Variants in EEF1G observed in about 807,000 individuals in gnomAD.
The protein encoded by EEF1G is elongation factor 1-gamma.
EEF1G carries 14 observed loss-of-function variants against 58.3 expected under a neutral mutation model. The observed-to-expected ratio is 0.24, with a 90% CI of 0.16 to 0.38. EEF1G has a LOEUF of 0.38. Among genes scored for constraint, EEF1G ranks in the 10% least tolerant of loss-of-function variants. The pLI is 1.00. For missense variants in EEF1G, 322 were observed against 550.1 expected (o/e 0.59, Z 4.15); for synonymous variants, 180 against 206.8 (o/e 0.87, Z 1.11).
intron 6 of EEF1G, 78 bp from the exon 7 acceptor site, chr11:62,567,088 A>C: frequency 6.8e-7 from 1 of 1,480,030 alleles, no homozygotes; most frequent in Non-Finnish European, 9.3e-7. Flanking sequence ...CAGAGCAAGC[A>C]AGGTAACAGA....
rs184337509 is a variant in EEF1G at position 62,567,217 on chromosome 11, G to A, written c.652+182C>T. ...ATACTTTATATCGCAAATCTATATA[G>A]TAATACAAATTAGTCAGGGTATGAG... On this transcript the variant is annotated intron_variant, in intron 6 of 9. Coordinates refer to ENST00000329251, the MANE Select transcript of EEF1G (RefSeq NM_001404.5). 160 of 935,672 alleles carry A rather than the reference G, an allele frequency of 1.7e-4. 2 individuals are homozygous for A. Among genetic ancestry groups the A allele is most frequent in the Non-Finnish European group, 3.5e-5 (22 of 632,832 alleles). 58.0% of individuals were successfully genotyped at this position (935,672 alleles called of 1,614,324 possible). A position where few individuals can be genotyped will look rare whatever the true frequency, so the allele number is the denominator to read the frequency against.
At chr11:62,570,209 C>T (rs889968104) in intron 5 of EEF1G, among the ~76,000 whole-genome samples, 1 of 151,766 alleles carries the variant, frequency 6.6e-6, no homozygotes, top group African/African-American at 2.4e-5. Context: ...TTACAGGCTC[C>T]TACCACCACG....
intron 7 of EEF1G, among the ~76,000 whole-genome samples, chr11:62,565,082 A>C (rs1034292936): frequency 2.0e-5 from 3 of 151,626 alleles, no homozygotes; most frequent in Non-Finnish European, 4.4e-5. Context: ...CCAAACAAAC[A>C]AACCAAAAAA....
chr11:62,563,267 C>T (rs1276497193), intron 7 of EEF1G, among the ~76,000 whole-genome samples: 2 of 151,982 alleles, frequency 1.3e-5, no homozygotes, highest in Non-Finnish European at 2.9e-5. Flanking sequence ...GCTGGGACTA[C>T]AGGCGCCTGC....
Position 62,566,920 on chromosome 11 carries a change from C to T in EEF1G, c.743G>A (p.Arg248Gln), listed in dbSNP as rs781687410. 7 of 1,613,956 alleles carry T rather than the reference C, an allele frequency of 4.3e-6. No homozygotes were observed. Among genetic ancestry groups the T allele is most frequent in the South Asian group, 1.1e-5 (1 of 91,078 alleles). ...GGCAGCCGCCTTTTTCTCCTCCTTC[C>T]GCTCAGCCTGGGGCTTCTGCTTCTC... ...REEKQKPQAE[R>Q]KEEKKAAAPA... is the part of the protein sequence containing the mutation. Residue 248 changes from arginine to glutamine, a missense_variant, in exon 7 of 10, where the codon CGG becomes CAG. Arg to Gln is a conservative substitution (Grantham distance 43). This residue lies in a region of EEF1G where 208 missense variants were observed against 323.7 expected (regional missense o/e 0.64). Transcript: ENST00000329251.
chr11:62,566,097 T>C (rs1941552636), intron 7 of EEF1G, among the ~76,000 whole-genome samples: 1 of 152,166 alleles, frequency 6.6e-6, no homozygotes, highest in Non-Finnish European at 1.5e-5. Context: ...ATAAAATGAC[T>C]TGGAGCAGTG....
chr11:62,565,386 C>CA (rs888723551), intron 7 of EEF1G, among the ~76,000 whole-genome samples: 100 of 137,102 alleles, frequency 7.3e-4, no homozygotes, highest in Middle Eastern at 3.8e-3. Flanking sequence ...ACCCTGTTTC[C>CA]AAAAAAAAAA....
intron 7 of EEF1G, among the ~76,000 whole-genome samples, chr11:62,561,170 C>T (rs1486424274): frequency 6.6e-6 from 1 of 152,116 alleles, no homozygotes; most frequent in Non-Finnish European, 1.5e-5. Flanking sequence ...CTTTGGGAGG[C>T]CAAGGCAGGT....
rs1291875005 is a variant in EEF1G, at chr11:62,559,729, C to A, written c.1264G>T (p.Ala422Ser). The change falls in exon 10 of 10, where the codon GCC becomes TCC. Residue 422 changes from alanine (A) to serine (S), a missense_variant. Physicochemically the swap from Ala to Ser is moderately conservative, Grantham distance 99. Coordinates refer to ENST00000329251, the MANE Select transcript of EEF1G (RefSeq NM_001404.5). ...LVREYFSWEG[A>S]FQHVGKAFNQ... is the part of the protein sequence containing the mutation. The stretch of plus-strand genomic sequence containing the variant: ...AAGGCTTTGCCCACATGCTGGAAGG[C>A]CCCCTCCCAGGAAAAGTACTCTCGA... 1.2e-6 allele frequency: 2 copies of A among 1,613,984 alleles called. No individual in the cohort carries two copies. Among genetic ancestry groups the A allele is most frequent in the Admixed American group, 3.3e-5 (2 of 60,010 alleles).
intron 7 of EEF1G, among the ~76,000 whole-genome samples, chr11:62,565,318 C>T (rs757396014): frequency 1.3e-5 from 2 of 151,316 alleles, no homozygotes. Flanking sequence ...TACAGGAGGT[C>T]AAGACTGCAG....
chr11:62,559,767 G>A lies in EEF1G; in HGVS notation c.1226C>T (p.Thr409Ile). Residue 409 changes from threonine (T) to isoleucine (I), a missense_variant, in exon 10 of 10, where the codon ACC becomes ATC. Around this residue, in one of 3 missense-constraint regions of EEF1G, gnomAD observed 208 missense variants for 323.7 expected, o/e 0.64. Coordinates refer to ENST00000329251, the MANE Select transcript of EEF1G (RefSeq NM_001404.5). ...WRKLDPGSEE[T>I]QTLVREYFSW... ...AAAGTACTCTCGAACCAGCGTCTGG[G>A]TCTCCTCGCTGCCAGGATCCAGTTT... is the stretch of plus-strand genomic sequence containing the variant. 6.2e-7 allele frequency: 1 copy of A among 1,613,992 alleles called. No homozygotes were observed. Among genetic ancestry groups the A allele is most frequent in the Non-Finnish European group, 8.5e-7 (1 of 1,179,900 alleles).
intron 7 of EEF1G, among the ~76,000 whole-genome samples, chr11:62,565,424 C>T (rs1276872259): frequency 6.6e-6 from 1 of 152,058 alleles, no homozygotes; most frequent in East Asian, 1.9e-4. Context: ...TCTGGCAGCC[C>T]TGTAGGGCAT....
chr11:62,571,799 C>A, intron 3 of EEF1G, 39 bp downstream of exon 3: 1 of 1,572,378 alleles, frequency 6.4e-7, no homozygotes, highest in Non-Finnish European at 8.6e-7. Context: ...ACACCCTCAC[C>A]TCCAAATTCT....
intron 5 of EEF1G, among the ~76,000 whole-genome samples, chr11:62,568,387 CAAAAAAAAAA>C (rs56838630): frequency 4.3e-4 from 26 of 60,164 alleles, no homozygotes; most frequent in Admixed American, 1.7e-3. Context: ...GACTCTGTCT[CAAAAAAAAAA>C]AAAAAAAAAA....
At chr11:62,567,768 G>T (rs1941574501) in intron 5 of EEF1G, among the ~76,000 whole-genome samples, 1 of 150,678 alleles carries the variant, frequency 6.6e-6, no homozygotes, top group Non-Finnish European at 1.5e-5. Context: ...GCAATGGCGT[G>T]ATCTCAGCTC....
At chr11:62,572,869 C>T (rs1941652543) in intron 1 of EEF1G, 127 bp from the exon 2 acceptor site, 1 of 881,456 alleles carries the variant, frequency 1.1e-6, no homozygotes, top group Non-Finnish European at 1.7e-6. Context: ...CTCTGGTGAA[C>T]CAAGTCCTTT....
In EEF1G at chr11:62,564,884, G is replaced by A. The variant is rs940078812; in HGVS notation, c.857+1922C>T. ...AGATTGAGACCATCCTAGCTAACAC[G>A]GTGAAACTCCGTCTCTACTAAAAAT... is the stretch of plus-strand genomic sequence containing the variant. On this transcript the variant is annotated intron_variant, in intron 7 of 9. Coordinates refer to ENST00000329251, the MANE Select transcript of EEF1G (RefSeq NM_001404.5). Among the ~76,000 whole-genome samples, 11 of 151,372 alleles carry A rather than the reference G, an allele frequency of 7.3e-5. No individual in the cohort carries two copies. The East Asian group carries it at 1.4e-3, about 19-fold the overall frequency.
intron 7 of EEF1G, among the ~76,000 whole-genome samples, chr11:62,562,442 G>T (rs1012585181): frequency 5.3e-5 from 8 of 152,202 alleles, no homozygotes; most frequent in South Asian, 2.1e-4. Context: ...TATGCTGACT[G>T]AAGAAAATCA....
At chr11:62,570,409 C>T (rs575021160) in intron 5 of EEF1G, among the ~76,000 whole-genome samples, 17 of 152,154 alleles carry the variant, frequency 1.1e-4, no homozygotes, top group Non-Finnish European at 2.5e-4. Flanking sequence ...TCACCTCTGT[C>T]TTCACAACTA....
Sources: gnomAD v4.1 joint callset for allele counts (sites outside exome capture counted in the v4.1 genomes callset) on GRCh38, gnomAD v4.1.1 for gene constraint, gnomAD v4.1.1 regional missense constraint, MANE v1.5 for transcripts, NCBI Gene and HGNC (gene_info 2026-07-23, HGNC 2026-07-21) for gene names.